The following SLC22A4 variants were observed in gnomAD, a reference collection of about 807,000 sequenced individuals.
The protein encoded by SLC22A4 is solute carrier family 22 member 4.
Under a neutral mutation model 56.6 loss-of-function variants are expected in SLC22A4, and 39 were observed. The ratio of observed to expected loss-of-function variants is 0.69; its 90% confidence interval spans 0.53 to 0.90. The LOEUF is 0.90. Among genes scored for constraint, SLC22A4 ranks in the 40% least tolerant of loss-of-function variants. The pLI is 0.00. For synonymous variants in SLC22A4, 241 were observed against 281.4 expected (o/e 0.86, Z 1.44); for missense variants, 594 against 696.5 (o/e 0.85, Z 1.66).
chr5:132,313,720 A>G lies in SLC22A4; in HGVS notation c.604A>G (p.Ile202Val), dbSNP rs1750251089. The change falls in exon 3 of 10, where the codon ATC becomes GTC. Residue 202 changes from isoleucine to valine, a missense_variant. Ile to Val is a conservative substitution (Grantham distance 29). Coordinates refer to ENST00000200652, the MANE Select transcript of SLC22A4 (RefSeq NM_003059.3). ...SWEMFTVLFV[I>V]VGMGQISNYV... is the part of the protein sequence containing the mutation. ...GGAGATGTTCACTGTGTTATTTGTC[A>G]TCGTGGGCATGGGCCAGATCTCCAA... The G allele has an allele frequency of 1.2e-6, 2 of 1,614,084 alleles. No homozygotes were observed. The highest frequency in any genetic ancestry group is 1.7e-6 in the Non-Finnish European group (2 of 1,180,030).
At chr5:132,313,978 G>A (rs1031964536) in intron 3 of SLC22A4, among the ~76,000 whole-genome samples, 2 of 152,212 alleles carry the variant, frequency 1.3e-5, no homozygotes, top group Non-Finnish European at 2.9e-5. Flanking sequence ...GAAATGTGGT[G>A]GAGAAGAAGA....
chr5:132,326,186 C>A (rs944530558), intron 4 of SLC22A4, among the ~76,000 whole-genome samples: 5 of 152,346 alleles, frequency 3.3e-5, no homozygotes, highest in Middle Eastern at 3.4e-3. Flanking sequence ...AAGCCAAGAA[C>A]CCTCATGGGC....
At chr5:132,328,577 AAACAAC>A (rs4646197) in intron 5 of SLC22A4, among the ~76,000 whole-genome samples, 94,296 of 150,212 alleles carry the variant, frequency 0.63, 30,395 homozygotes, top group African/African-American at 0.74. Context: ...TAAATGGATA[AAACAAC>A]AACAACAACA....
chr5:132,305,515 G>A (rs1486443023), intron 1 of SLC22A4, among the ~76,000 whole-genome samples: 1 of 152,096 alleles, frequency 6.6e-6, no homozygotes, highest in Non-Finnish European at 1.5e-5. Flanking sequence ...TAAAAAAAGA[G>A]ACAAAAACGA....
chr5:132,298,111 T>C (rs1749820380), intron 1 of SLC22A4, among the ~76,000 whole-genome samples: 1 of 152,198 alleles, frequency 6.6e-6, no homozygotes, highest in Non-Finnish European at 1.5e-5. Context: ...AGAATCACCA[T>C]ATGATCCAGC....
rs778682227 is a variant in SLC22A4 at position 132,313,609 on chromosome 5, T to C, written c.498-5T>C. The C allele has an allele frequency of 1.9e-6, 3 of 1,614,004 alleles. No individual in the cohort carries two copies. Among genetic ancestry groups the C allele is most frequent in the Non-Finnish European group, 2.5e-6 (3 of 1,179,920 alleles). ...TCATGTTTTGTGTTATACTGCATTC[T>C]CTAGGTTTGGCAGGAAGAACGTTCT... On this transcript the variant is annotated splice_region_variant and splice_polypyrimidine_tract_variant and intron_variant, in intron 2 of 9. Coordinates refer to ENST00000200652, the MANE Select transcript of SLC22A4 (RefSeq NM_003059.3).
chr5:132,339,650 T>C (rs75623978), intron 8 of SLC22A4, among the ~76,000 whole-genome samples: 4,146 of 152,270 alleles, frequency 0.027, 188 homozygotes, highest in African/African-American at 0.094. Flanking sequence ...ATTTTTCCCT[T>C]TGTCCTTCCC....
chr5:132,328,399 CT>C (rs1750741013), intron 5 of SLC22A4, among the ~76,000 whole-genome samples: 1 of 152,202 alleles, frequency 6.6e-6, no homozygotes, highest in Admixed American at 6.5e-5. Flanking sequence ...ACCCCCACGG[CT>C]TCCCCAGTCC....
In SLC22A4 at chr5:132,335,919, C is replaced by G. The variant is rs138433908; in HGVS notation, c.1363C>G (p.Leu455Val). 4.2e-5 allele frequency: 68 copies of G among 1,614,076 alleles called. No individual in the cohort carries two copies. The highest frequency in any genetic ancestry group is 5.4e-5 in the Non-Finnish European group (64 of 1,180,034). The part of the protein sequence containing the change: ...YVFTAELYPT[L>V]VRNMAVGVTS... Reference sequence around the variant, plus strand: ...CTTCACTGCTGAGCTCTACCCAACCCTGGTCAGGAACATGGCGGTGGGGGT... The same window carrying G: ...CTTCACTGCTGAGCTCTACCCAACCGTGGTCAGGAACATGGCGGTGGGGGT... Residue 455 changes from leucine to valine, a missense_variant, in exon 8 of 10, where the codon CTG becomes GTG. Coordinates refer to ENST00000200652, the MANE Select transcript of SLC22A4 (RefSeq NM_003059.3).
rs141092042 is a variant in SLC22A4 at position 132,318,124 on chromosome 5, G to T, written c.653-4060G>T. 8.3e-4 allele frequency among the ~76,000 whole-genome samples: 127 copies of T among 152,294 alleles called. 2 individuals are homozygous for T. In the East Asian group the frequency reaches 0.019, roughly 23 times the overall value. ...ATGTTACTTTTGACTGGAGTGATTG[G>T]TGCAGACAGAGGGGAAGCCCTGAGC... On this transcript the variant is annotated intron_variant, in intron 3 of 9. Coordinates refer to ENST00000200652, the MANE Select transcript of SLC22A4 (RefSeq NM_003059.3).
chr5:132,309,379 A>AGAT (rs1358333534), intron 1 of SLC22A4, among the ~76,000 whole-genome samples: 2 of 152,226 alleles, frequency 1.3e-5, no homozygotes, highest in Non-Finnish European at 2.9e-5. Context: ...CTCCAAAGGC[A>AGAT]GATGGCACCC....
intron 9 of SLC22A4, among the ~76,000 whole-genome samples, chr5:132,341,662 C>T (rs1751222688): frequency 6.6e-6 from 1 of 150,622 alleles, no homozygotes. Flanking sequence ...TTAAAAAATG[C>T]ATTGGCTGGG....
At position 132,294,428 on chromosome 5, in the gene SLC22A4, C is replaced by G. The variant is rs553184821; in HGVS notation, c.-189C>G. On this transcript the variant is annotated 5_prime_UTR_variant, in exon 1 of 10. Coordinates refer to ENST00000200652, the MANE Select transcript of SLC22A4 (RefSeq NM_003059.3). The surrounding 1 kb of genome is among the most constrained non-coding windows in gnomAD (Gnocchi z 5.6). ...GTGGCATCAAGCTCAGCGCGAGCTC[C>G]CGGGAACGCTCCAACGCCTTCAGCC... 1.4e-6 allele frequency: 1 copy of G among 726,804 alleles called. No homozygotes were observed. The highest frequency in any genetic ancestry group is 2.3e-6 in the Non-Finnish European group (1 of 438,044). 45.0% of individuals were successfully genotyped at this position (726,804 alleles called of 1,614,324 possible).
At chr5:132,321,229 G>C (rs986252057) in intron 3 of SLC22A4, among the ~76,000 whole-genome samples, 1 of 152,188 alleles carries the variant, frequency 6.6e-6, no homozygotes, top group African/African-American at 2.4e-5. Flanking sequence ...TCTTTCCTTG[G>C]TCCAAATGGA....
At chr5:132,298,292 G>T (rs548728242) in intron 1 of SLC22A4, among the ~76,000 whole-genome samples, 6 of 152,200 alleles carry the variant, frequency 3.9e-5, no homozygotes, top group Non-Finnish European at 8.8e-5. Flanking sequence ...TACAATGGAC[G>T]ATTATTCAGC....
intron 1 of SLC22A4, among the ~76,000 whole-genome samples, chr5:132,302,393 A>G (rs1364901269): frequency 1.3e-5 from 2 of 152,170 alleles, no homozygotes; most frequent in Admixed American, 6.5e-5. Flanking sequence ...GGCAGGCTGC[A>G]TTCAATTTAG....
At chr5:132,314,485 G>A (rs970544448) in intron 3 of SLC22A4, among the ~76,000 whole-genome samples, 1 of 152,192 alleles carries the variant, frequency 6.6e-6, no homozygotes, top group Non-Finnish European at 1.5e-5. Flanking sequence ...TGAGCCCAGC[G>A]AATGGGCAAA....
Position 132,294,597 on chromosome 5 carries a change from T to G in SLC22A4, c.-20T>G, listed in dbSNP as rs889150081. On this transcript the variant is annotated 5_prime_UTR_variant, in exon 1 of 10. Coordinates refer to ENST00000200652, the MANE Select transcript of SLC22A4 (RefSeq NM_003059.3). The surrounding 1 kb of genome is among the most constrained non-coding windows in gnomAD (Gnocchi z 5.6). ...CTGTCATCACCCGTAGTTGCAAGTT[T>G]CGGAGCGGCAGTGGGAAGCATGCGG... The G allele has an allele frequency of 6.2e-7, 1 of 1,614,022 alleles. No homozygotes were observed. Among genetic ancestry groups the G allele is most frequent in the East Asian group, 2.2e-5 (1 of 44,878 alleles).
chr5:132,336,771 C>T (rs1178859403), intron 8 of SLC22A4, among the ~76,000 whole-genome samples: 3 of 151,654 alleles, frequency 2.0e-5, no homozygotes, highest in Admixed American at 6.6e-5. Context: ...CAAAGAGTGC[C>T]GTTAAAAAAT....
Sources: gnomAD v4.1 joint callset for allele counts (sites outside exome capture counted in the v4.1 genomes callset) on GRCh38, gnomAD v4.1.1 for gene constraint, Gnocchi (gnomAD v3.1) non-coding constraint, MANE v1.5 for transcripts, NCBI Gene and HGNC (gene_info 2026-07-23, HGNC 2026-07-21) for gene names.